Variants in MAST4 observed in about 807,000 individuals in gnomAD.
MAST4 encodes microtubule associated serine/threonine kinase family member 4.
In MAST4, 89 loss-of-function variants were observed where a neutral mutation model predicts 162.7. The ratio of observed to expected loss-of-function variants is 0.55; its 90% confidence interval spans 0.46 to 0.65. The LOEUF (loss-of-function observed/expected upper bound fraction) is 0.65. Ranked by LOEUF, MAST4 falls within the 30% of genes least tolerant of loss-of-function variation. MAST4 has a pLI of 0.00. For missense variants in MAST4, 3,153 were observed against 3,374.0 expected (o/e 0.93, Z 1.62); for synonymous variants, 1,479 against 1,361.1 (o/e 1.09, Z -1.91).
At chr5:67,159,415 C>T (rs1053558153) in intron 26 of MAST4, among the ~76,000 whole-genome samples, 2 of 152,108 alleles carry the variant, frequency 1.3e-5, no homozygotes, top group Non-Finnish European at 2.9e-5. Context: ...AAGGTAGATG[C>T]TATCTTTAAG....
chr5:67,121,448 C>CGT (rs34331954), intron 14 of MAST4, among the ~76,000 whole-genome samples: 1 of 150,272 alleles, frequency 6.7e-6, no homozygotes, highest in South Asian at 2.1e-4. Context: ...TAAATACTAT[C>CGT]ATATATAATC....
rs567616517 is a variant in MAST4 at position 66,974,360 on chromosome 5, C to T, written c.674+74378C>T. ...GAATGAATGAACGAATTCATCCCCACCTTGAGCCTACATCAAGCTTTTCCA... is the reference window on the plus strand; with the variant it reads ...GAATGAATGAACGAATTCATCCCCATCTTGAGCCTACATCAAGCTTTTCCA... On this transcript the variant is annotated intron_variant, in intron 4 of 28. Transcript: ENST00000403625. 3.9e-5 allele frequency among the ~76,000 whole-genome samples: 6 copies of T among 152,324 alleles called. No homozygotes were observed. The South Asian group carries it at 8.3e-4, about 21-fold the overall frequency.
chr5:66,883,054 A>G (rs1413596275), intron 3 of MAST4, among the ~76,000 whole-genome samples: 1 of 152,238 alleles, frequency 6.6e-6, no homozygotes, highest in Non-Finnish European at 1.5e-5. Flanking sequence ...AAAAAATCAT[A>G]AAATATGCTA....
intron 3 of MAST4, among the ~76,000 whole-genome samples, chr5:66,880,601 A>C (rs1477190319): frequency 6.6e-6 from 1 of 152,190 alleles, no homozygotes; most frequent in South Asian, 2.1e-4. Flanking sequence ...GTTTGAGGAC[A>C]TTCACCATCC....
At chr5:66,917,157 C>G (rs37567) in intron 4 of MAST4, 436,313 of 605,812 alleles carry the variant, frequency 0.72, 157,858 homozygotes, top group South Asian at 0.78. Flanking sequence ...ATCTTATTAC[C>G]CCTGGTCATT....
intron 4 of MAST4, among the ~76,000 whole-genome samples, chr5:66,950,956 C>T (rs1390356563): frequency 2.6e-5 from 4 of 152,190 alleles, no homozygotes; most frequent in Non-Finnish European, 5.9e-5. Flanking sequence ...GGTTCATCCA[C>T]ATTACTGCAT....
chr5:67,008,577 G>T (rs1170541987), intron 4 of MAST4, among the ~76,000 whole-genome samples: 1 of 152,146 alleles, frequency 6.6e-6, no homozygotes, highest in African/African-American at 2.4e-5. Flanking sequence ...TAACCTTAAT[G>T]TTTAGAAATC....
intron 9 of MAST4, 46 bp from the exon 10 acceptor site, chr5:67,104,320 G>A (rs368286744): frequency 7.2e-7 from 1 of 1,393,460 alleles, no homozygotes; most frequent in Non-Finnish European, 1.0e-6. Flanking sequence ...GTTTACATGT[G>A]TGTTTCCTCG....
chr5:67,084,856 C>G (rs1445199336), intron 5 of MAST4, among the ~76,000 whole-genome samples: 1 of 152,074 alleles, frequency 6.6e-6, no homozygotes, highest in Non-Finnish European at 1.5e-5. Context: ...ATTCATTATG[C>G]ACTAAATAAT....
chr5:66,899,556 G>A (rs1321643719), intron 3 of MAST4, among the ~76,000 whole-genome samples: 1 of 152,098 alleles, frequency 6.6e-6, no homozygotes, highest in Non-Finnish European at 1.5e-5. Flanking sequence ...CCTTTACATT[G>A]CACCTTTCAT....
chr5:67,148,037 A>G (rs945811716), intron 23 of MAST4, among the ~76,000 whole-genome samples: 5 of 152,116 alleles, frequency 3.3e-5, no homozygotes, highest in African/African-American at 1.2e-4. Context: ...CCAAACTACA[A>G]CCATACCACT....
chr5:66,634,610 CT>C (rs1363905296), intron 1 of MAST4, among the ~76,000 whole-genome samples: 1 of 152,170 alleles, frequency 6.6e-6, no homozygotes, highest in Non-Finnish European at 1.5e-5. Flanking sequence ...TTTTTGGGGA[CT>C]GCTGTAGGTG....
intron 3 of MAST4, among the ~76,000 whole-genome samples, chr5:66,879,116 A>G (rs936612678): frequency 6.6e-6 from 1 of 152,082 alleles, no homozygotes; most frequent in Non-Finnish European, 1.5e-5. Context: ...TGTCTCTACT[A>G]AAAATACAAA....
At chr5:67,077,244 A>C (rs1177713610) in intron 5 of MAST4, among the ~76,000 whole-genome samples, 1 of 151,938 alleles carries the variant, frequency 6.6e-6, no homozygotes, top group Non-Finnish European at 1.5e-5. Flanking sequence ...TTGAATGCAC[A>C]CTGGAGTCAC....
chr5:66,838,901 T>C (rs1472706749), intron 3 of MAST4, among the ~76,000 whole-genome samples: 1 of 152,190 alleles, frequency 6.6e-6, no homozygotes, highest in Non-Finnish European at 1.5e-5. Flanking sequence ...TAGGAAGCCA[T>C]TGAAAGACTG....
At chr5:67,149,657 T>C (rs1771565921) in intron 24 of MAST4, 68 bp downstream of exon 24, 2 of 1,478,178 alleles carry the variant, frequency 1.4e-6, no homozygotes, top group Admixed American at 3.7e-5. Flanking sequence ...CTCTCCCAAT[T>C]TGGAATGCTG....
intron 3 of MAST4, among the ~76,000 whole-genome samples, chr5:66,845,251 A>T (rs1758763122): frequency 6.6e-6 from 1 of 151,214 alleles, no homozygotes; most frequent in South Asian, 2.1e-4. Context: ...CATTTCTCCT[A>T]ATGCTATCCC....
At chr5:66,739,737 G>A (rs181938474) in intron 1 of MAST4, among the ~76,000 whole-genome samples, 2 of 152,178 alleles carry the variant, frequency 1.3e-5, no homozygotes, top group East Asian at 3.9e-4. Context: ...TATTAAGGAA[G>A]AATGGGATTA....
At chr5:67,044,266 A>G (rs1487862022) in intron 4 of MAST4, among the ~76,000 whole-genome samples, 2 of 152,128 alleles carry the variant, frequency 1.3e-5, no homozygotes, top group African/African-American at 4.8e-5. Context: ...TCCAAAAGCC[A>G]TCTCCGTCAT....
Sources: allele counts gnomAD v4.1 joint callset (sites outside exome capture counted in the v4.1 genomes callset), GRCh38; gene constraint gnomAD v4.1.1; transcripts MANE v1.5; gene names NCBI Gene and HGNC (gene_info 2026-07-23, HGNC 2026-07-21).